Variants in TMEM209 observed in about 807,000 individuals in gnomAD.
TMEM209 encodes testicular tissue protein Li 202.
Under a neutral mutation model 76.2 loss-of-function variants are expected in TMEM209, and 65 were observed. The ratio of observed to expected loss-of-function variants is 0.85; its 90% confidence interval spans 0.70 to 1.05. TMEM209 has a LOEUF of 1.05. TMEM209 is among the 50% of genes least tolerant of loss of function. The pLI is 0.00. For synonymous variants in TMEM209, 239 were observed against 237.6 expected (o/e 1.01, Z -0.06); for missense variants, 623 against 685.5 (o/e 0.91, Z 1.02).
intron 5 of TMEM209, among the ~76,000 whole-genome samples, chr7:130,194,916 GAAAAT>G (rs1797920534): frequency 6.6e-6 from 1 of 151,992 alleles, no homozygotes; most frequent in South Asian, 2.1e-4. Context: ...AATGCTGTTT[GAAAAT>G]AAAAAGGTTA....
chr7:130,171,174 C>G (rs546289852), intron 13 of TMEM209, among the ~76,000 whole-genome samples: 62 of 152,184 alleles, frequency 4.1e-4, no homozygotes, highest in Non-Finnish European at 8.4e-4. Flanking sequence ...TAAAAATGGT[C>G]TATAATGGCA....
intron 5 of TMEM209, among the ~76,000 whole-genome samples, chr7:130,198,193 C>T (rs1798055771): frequency 1.3e-5 from 2 of 152,196 alleles, no homozygotes; most frequent in Non-Finnish European, 2.9e-5. Flanking sequence ...TGGTTTCTTT[C>T]ATTAGCATAG....
In TMEM209 at chr7:130,175,592, A is replaced by G. The variant is rs368516221; in HGVS notation, c.1264T>C (p.Cys422Arg). 1.2e-6 allele frequency: 2 copies of G among 1,612,928 alleles called. No individual in the cohort carries two copies. The highest frequency in any genetic ancestry group is 8.5e-7 in the Non-Finnish European group (1 of 1,179,552). ...ERIKELSQGG[C>R]MSSFRWNRGG... is the part of the protein sequence containing the mutation. ...CTGTTCCATCGAAATGAGCTCATAC[A>G]ACCTCCCTGAGATAGTTCTGTGGCA... Residue 422 changes from cysteine to arginine, a missense_variant, in exon 11 of 15, where the codon TGT (cysteine) becomes CGT (arginine). Coordinates refer to ENST00000397622, the MANE Select transcript of TMEM209 (RefSeq NM_032842.4).
chr7:130,170,468 T>C lies in TMEM209; in HGVS notation c.1563A>G (p.Arg521=), dbSNP rs1270753621. The C allele has an allele frequency of 3.1e-6, 5 of 1,611,504 alleles. No individual in the cohort carries two copies. The highest frequency in any genetic ancestry group is 4.2e-6 in the Non-Finnish European group (5 of 1,179,272). The part of the protein sequence containing the change: ...QRHVYNLPKG[R]NNMFHTLLMF... ...TCAACAATGTATGAAACATATTATT[T>C]CTGCCCTGGAACAAAGACAAAAAAG... Residue 521 remains arginine (R), a synonymous_variant, in exon 14 of 15, where the codon AGA becomes AGG. Transcript: ENST00000397622.
At chr7:130,198,277 A>C (rs755855351) in intron 5 of TMEM209, among the ~76,000 whole-genome samples, 3 of 152,064 alleles carry the variant, frequency 2.0e-5, no homozygotes, top group African/African-American at 4.8e-5. Flanking sequence ...TACTCTCCTA[A>C]CTTTGACCTG....
intron 13 of TMEM209, among the ~76,000 whole-genome samples, chr7:130,171,192 G>A (rs1245673649): frequency 6.6e-6 from 1 of 152,096 alleles, no homozygotes; most frequent in East Asian, 1.9e-4. Flanking sequence ...GCATAAACAA[G>A]TGTTGGGATA....
chr7:130,186,206 A>G (rs1343003078), intron 6 of TMEM209, among the ~76,000 whole-genome samples: 1 of 152,244 alleles, frequency 6.6e-6, no homozygotes, highest in African/African-American at 2.4e-5. Context: ...AACAAAACTT[A>G]TAAATAGAAA....
rs1798308270 is a variant in TMEM209 at position 130,203,784 on chromosome 7, T to G, written c.199+4A>C. 1.9e-6 allele frequency: 3 copies of G among 1,598,316 alleles called. No homozygotes were observed. The highest frequency in any genetic ancestry group is 2.6e-6 in the Non-Finnish European group (3 of 1,172,434). On this transcript the variant is annotated splice_donor_region_variant and intron_variant, in intron 3 of 14. Transcript: ENST00000397622. ...GTAAGTTACAGTGAAAATTACTTACTTACCAATATACCAGAGGGGCCAGTA... is the reference window on the plus strand; with the variant it reads ...GTAAGTTACAGTGAAAATTACTTACGTACCAATATACCAGAGGGGCCAGTA...
intron 13 of TMEM209, among the ~76,000 whole-genome samples, chr7:130,171,490 A>G (rs1434104331): frequency 1.3e-5 from 2 of 152,220 alleles, no homozygotes; most frequent in African/African-American, 2.4e-5. Context: ...TGTAAGAACA[A>G]GGAAAAAAAA....
Position 130,202,062 on chromosome 7 carries a change from C to T in TMEM209, c.361G>A (p.Ala121Thr). 6.2e-7 allele frequency: 1 copy of T among 1,613,608 alleles called. No homozygotes were observed. The highest frequency in any genetic ancestry group is 8.5e-7 in the Non-Finnish European group (1 of 1,179,818). The change falls in exon 5 of 15, where the codon GCA (alanine) becomes ACA (threonine). Residue 121 changes from alanine to threonine, a missense_variant. Transcript: ENST00000397622. ...GGAGCGGGAGGGATTTGGGTTGCTG[C>T]CAGATCATGTGGAGGCGTAGTCTGT... ...VVQTTPPHDL[A>T]ATQIPPAPPS...
intron 10 of TMEM209, 123 bp downstream of exon 10, chr7:130,178,279 T>A (rs1446264914): frequency 1.1e-5 from 11 of 971,160 alleles, no homozygotes; most frequent in African/African-American, 1.7e-5. Context: ...TAAGCTATAA[T>A]TAATACGTAT....
chr7:130,202,107 A>G lies in TMEM209; in HGVS notation c.332-16T>C. 1 of 1,602,824 alleles carries G rather than the reference A, an allele frequency of 6.2e-7. No individual in the cohort carries two copies. The highest frequency in any genetic ancestry group is 1.1e-5 in the South Asian group (1 of 89,276). ...GTCTGTACAACTAGAAGGAAAAAAA[A>G]AGCAACATATGTGTATGTACCTTCA... On this transcript the variant is annotated splice_polypyrimidine_tract_variant and intron_variant, in intron 4 of 14. Coordinates refer to ENST00000397622, the MANE Select transcript of TMEM209 (RefSeq NM_032842.4).
chr7:130,170,462 A>G lies in TMEM209; in HGVS notation c.1569T>C (p.Asn523=), dbSNP rs1213802100. The change falls in exon 14 of 15, where the codon AAT becomes AAC. Residue 523 remains asparagine, a synonymous_variant. Coordinates refer to ENST00000397622, the MANE Select transcript of TMEM209 (RefSeq NM_032842.4). ...GAAACATCAACAATGTATGAAACAT[A>G]TTATTTCTGCCCTGGAACAAAGACA... ...HVYNLPKGRN[N]MFHTLLMFLY... The G allele has an allele frequency of 6.2e-7, 1 of 1,612,172 alleles. No individual in the cohort carries two copies. Among genetic ancestry groups the G allele is most frequent in the South Asian group, 1.1e-5 (1 of 90,604 alleles).
rs1797829848 is a variant in TMEM209, at chr7:130,192,489, G to C, written c.775+133C>G. ...CTTAATTCTAACTGCATAAAATAAT[G>C]TTACATATAAAGTAAAACAAAACAT... On this transcript the variant is annotated intron_variant, in intron 6 of 14. Transcript: ENST00000397622. The C allele has an allele frequency of 4.0e-6, 3 of 747,688 alleles. No individual in the cohort carries two copies. In the South Asian group the frequency reaches 6.0e-5, roughly 15 times the overall value. 46.3% of individuals were successfully genotyped at this position (747,688 alleles called of 1,614,324 possible).
chr7:130,190,061 A>T (rs577168003), intron 6 of TMEM209, among the ~76,000 whole-genome samples: 1 of 152,336 alleles, frequency 6.6e-6, no homozygotes, highest in African/African-American at 2.4e-5. Flanking sequence ...AAGTCAGCTT[A>T]CAGAGGATCC....
At chr7:130,188,557 C>T (rs1321778762) in intron 6 of TMEM209, among the ~76,000 whole-genome samples, 1 of 142,414 alleles carries the variant, frequency 7.0e-6, no homozygotes, top group African/African-American at 2.7e-5. Context: ...GATCACACCA[C>T]TGCACTCCAG....
At chr7:130,175,961 A>G (rs1385730510) in intron 10 of TMEM209, among the ~76,000 whole-genome samples, 1 of 152,174 alleles carries the variant, frequency 6.6e-6, no homozygotes, top group East Asian at 1.9e-4. Flanking sequence ...TACTTTTAGG[A>G]GAATGCATGC....
In TMEM209 at chr7:130,173,847, A is replaced by G. The variant is rs370995504; in HGVS notation, c.1437T>C (p.Phe479=). The G allele has an allele frequency of 8.7e-6, 14 of 1,613,776 alleles. No individual in the cohort carries two copies. In the Admixed American group the frequency reaches 2.3e-4, roughly 27 times the overall value. ...PDGKTFTSQH[F]VQTPNKPDVT... is the part of the protein sequence containing the mutation. Reference sequence around the variant, plus strand: ...TACCTGGTTTATTTGGTGTCTGAACAAAGTGCTGAGAAGTAAAAGTTTTTC... The same window carrying G: ...TACCTGGTTTATTTGGTGTCTGAACGAAGTGCTGAGAAGTAAAAGTTTTTC... The change falls in exon 12 of 15, where the codon TTT becomes TTC. Residue 479 remains phenylalanine, a synonymous_variant. Coordinates refer to ENST00000397622, the MANE Select transcript of TMEM209 (RefSeq NM_032842.4).
rs775337438 is a variant in TMEM209, at chr7:130,201,867, C to T, written c.556G>A (p.Val186Ile). ...SYSPGVTYSP[V>I]SGYNKLASFS... ...GTCATTACCTTATTATAACCACTGA[C>T]GGGCGAGTAGGTCACTCCAGGGCTA... Residue 186 changes from valine (V) to isoleucine (I), a missense_variant, in exon 5 of 15, where the codon GTC (valine) becomes ATC (isoleucine). Coordinates refer to ENST00000397622, the MANE Select transcript of TMEM209 (RefSeq NM_032842.4). 82 of 1,613,776 alleles carry T rather than the reference C, an allele frequency of 5.1e-5. No individual in the cohort carries two copies. Among genetic ancestry groups the T allele is most frequent in the Non-Finnish European group, 6.0e-5 (71 of 1,179,866 alleles).
Sources: allele counts gnomAD v4.1 joint callset (sites outside exome capture counted in the v4.1 genomes callset), GRCh38; gene constraint gnomAD v4.1.1; transcripts MANE v1.5; gene names NCBI Gene and HGNC (gene_info 2026-07-23, HGNC 2026-07-21).